The following ITPR3 variants were observed in gnomAD, a reference collection of about 807,000 sequenced individuals.
ITPR3 encodes inositol 1,4,5-trisphosphate receptor type 3, also known as inositol 1,4,5-trisphosphate-gated calcium channel ITPR3.
A neutral mutation model predicts 293.2 loss-of-function variants in ITPR3; 173 were observed. That is an observed-to-expected ratio of 0.59 (90% CI 0.52 to 0.67). The LOEUF is 0.67. ITPR3 is among the 30% of genes least tolerant of loss of function. ITPR3 has a pLI of 0.00. For missense variants in ITPR3, 2,796 were observed against 3,592.1 expected, an observed-to-expected ratio of 0.78 and a Z score of 5.66; for synonymous variants, 1,295 against 1,444.4, an observed-to-expected ratio of 0.90 and a Z score of 2.35.
chr6:33,649,194 C>T (rs941521141), intron 2 of ITPR3, among the ~76,000 whole-genome samples: 26 of 152,180 alleles, frequency 1.7e-4, no homozygotes, highest in Non-Finnish European at 3.2e-4. Context: ...TGAGCCATTG[C>T]GCCTGGCCTA....
In ITPR3 at chr6:33,688,434, G is replaced by A; in HGVS notation, c.6568+3G>A. The A allele has an allele frequency of 9.9e-7, 1 of 1,005,364 alleles. No homozygotes were observed. Among genetic ancestry groups the A allele is most frequent in the Non-Finnish European group, 1.4e-6 (1 of 716,808 alleles). 62.3% of individuals were successfully genotyped at this position (1,005,364 alleles called of 1,614,324 possible). Reference sequence around the variant, plus strand: ...GGAGTGGCAGCGCAAGCTCCGCAGTGAGGACCCACGGGCGGGAGGGTGGGG... The same window carrying A: ...GGAGTGGCAGCGCAAGCTCCGCAGTAAGGACCCACGGGCGGGAGGGTGGGG... On this transcript the variant is annotated splice_donor_region_variant and intron_variant, in intron 48 of 57. Coordinates refer to ENST00000605930, the MANE Select transcript of ITPR3 (RefSeq NM_002224.4).
chr6:33,648,330 T>C (rs1234272035), intron 2 of ITPR3, among the ~76,000 whole-genome samples: 1 of 151,796 alleles, frequency 6.6e-6, no homozygotes, highest in Admixed American at 6.6e-5. Context: ...TCTCCCAGAG[T>C]GTTAGGATTA....
Position 33,675,728 on chromosome 6 carries a change from G to A in ITPR3, c.3154G>A (p.Gly1052Ser), listed in dbSNP as rs768574192. The A allele has an allele frequency of 1.4e-5, 22 of 1,611,068 alleles. No homozygotes were observed. The highest frequency in any genetic ancestry group is 1.7e-5 in the Admixed American group (1 of 59,846). ...SSMLEVDDEG[G>S]RMFLRVLIHL... ...CATGCTGGAGGTGGATGACGAGGGC[G>A]GCCGCATGTTCCTGCGCGTGCTCAT... is the stretch of plus-strand genomic sequence containing the variant. The change falls in exon 25 of 58, where the codon GGC becomes AGC. Residue 1052 changes from glycine (G) to serine (S), a missense_variant. Gly to Ser is a moderately conservative substitution (Grantham distance 56). Transcript: ENST00000605930. The surrounding 1 kb of genome is among the most constrained non-coding windows in gnomAD (Gnocchi z 5.0).
Position 33,632,413 on chromosome 6 carries a change from C to T in ITPR3, c.90-8071C>T, listed in dbSNP as rs1044617707. Among the ~76,000 whole-genome samples, 1 of 152,200 alleles carries T rather than the reference C, an allele frequency of 6.6e-6. No individual in the cohort carries two copies. Among genetic ancestry groups the T allele is most frequent in the Non-Finnish European group, 1.5e-5 (1 of 68,020 alleles). On this transcript the variant is annotated intron_variant, in intron 1 of 57. Transcript: ENST00000605930. The surrounding 1 kb of genome is among the most constrained non-coding windows in gnomAD (Gnocchi z 4.1). ...GCTCCCTTCCTCCTCCTTATCTAAT[C>T]TTTCCAGACAGCACTGACCCACCCT...
At chr6:33,651,002 C>T (rs537649941) in intron 2 of ITPR3, among the ~76,000 whole-genome samples, 6 of 152,104 alleles carry the variant, frequency 3.9e-5, no homozygotes, top group East Asian at 3.9e-4. Flanking sequence ...AGTTGCCGGG[C>T]GGGGTGGTTC....
rs1582170234 is a variant in ITPR3, at chr6:33,692,184, C to T, written c.7458+256C>T. 6.6e-6 allele frequency among the ~76,000 whole-genome samples: 1 copy of T among 152,260 alleles called. No homozygotes were observed. The highest frequency in any genetic ancestry group is 2.4e-5 in the African/African-American group (1 of 41,460). On this transcript the variant is annotated intron_variant, in intron 54 of 57. Transcript: ENST00000605930. The surrounding 1 kb of genome is among the most constrained non-coding windows in gnomAD (Gnocchi z 4.2). ...TTGCCCCAGGGCTAGGGATGGTGAC[C>T]ACTGGCTTTCCTAGCCCACAGCAGG...
chr6:33,637,993 T>G, intron 1 of ITPR3, among the ~76,000 whole-genome samples: 1 of 150,386 alleles, frequency 6.6e-6, no homozygotes, highest in South Asian at 2.1e-4. Flanking sequence ...GGCACGTTTT[T>G]TGTTTTGTTT....
Position 33,665,153 on chromosome 6 carries a change from C to G in ITPR3, c.1349C>G (p.Ser450Cys). The change falls in exon 13 of 58, where the codon TCC becomes TGC. Residue 450 changes from serine to cysteine, a missense_variant. Coordinates refer to ENST00000605930, the MANE Select transcript of ITPR3 (RefSeq NM_002224.4). ...RDLDFANDAS[S>C]MLASAVEKLN... is the part of the protein sequence containing the mutation. Reference sequence around the variant, plus strand: ...CTGGACTTTGCCAATGACGCCAGCTCCATGCTGGCCAGTGCCGTGGAGAAA... The same window carrying G: ...CTGGACTTTGCCAATGACGCCAGCTGCATGCTGGCCAGTGCCGTGGAGAAA... 1 of 1,614,178 alleles carries G rather than the reference C, an allele frequency of 6.2e-7. No individual in the cohort carries two copies. The highest frequency in any genetic ancestry group is 1.7e-5 in the Admixed American group (1 of 60,034).
rs751174053 is a variant in ITPR3, at chr6:33,671,306, GGT to G, written c.2728+2_2728+3del. 6.2e-7 allele frequency: 1 copy of G among 1,610,664 alleles called. No individual in the cohort carries two copies. Among genetic ancestry groups the G allele is most frequent in the South Asian group, 1.1e-5 (1 of 90,938 alleles). ...GCTGCAGGCCTATGAGGACCCCGGT[GGT>G]GAGGCCTTTGCCCGGCTCGGGCCAC... On this transcript the variant is annotated splice_donor_variant, in intron 21 of 57. Coordinates refer to ENST00000605930, the MANE Select transcript of ITPR3 (RefSeq NM_002224.4). LOFTEE classifies it high-confidence loss of function.
chr6:33,655,423 G>A lies in ITPR3; in HGVS notation c.161-343G>A, dbSNP rs538827336. On this transcript the variant is annotated intron_variant, in intron 2 of 57. Coordinates refer to ENST00000605930, the MANE Select transcript of ITPR3 (RefSeq NM_002224.4). The surrounding 1 kb of genome is among the most constrained non-coding windows in gnomAD (Gnocchi z 4.9). Reference sequence around the variant, plus strand: ...TTAGCTAAAGAGGATGCAGATGTGAGCTGTTAGCTGCCAATACTCACAAAA... The same window carrying A: ...TTAGCTAAAGAGGATGCAGATGTGAACTGTTAGCTGCCAATACTCACAAAA... 6.6e-6 allele frequency among the ~76,000 whole-genome samples: 1 copy of A among 152,166 alleles called. No homozygotes were observed. Among genetic ancestry groups the A allele is most frequent in the East Asian group, 1.9e-4 (1 of 5,172 alleles).
At chr6:33,665,357 T>A in intron 13 of ITPR3, 144 bp downstream of exon 13, 2 of 1,099,694 alleles carry the variant, frequency 1.8e-6, no homozygotes, top group Non-Finnish European at 2.6e-6. Flanking sequence ...TGGCTGAGCC[T>A]GGGACCCTGG....
Position 33,621,764 on chromosome 6 carries a change from TC to T in ITPR3, c.89+75del. 1 of 1,156,184 alleles carries T rather than the reference TC, an allele frequency of 8.6e-7. No homozygotes were observed. The highest frequency in any genetic ancestry group is 1.3e-6 in the Non-Finnish European group (1 of 793,260). The allele number at this position is 1,156,184 out of a possible 1,614,324, so 71.6% of individuals were successfully genotyped here. A position where few individuals can be genotyped will look rare whatever the true frequency, so the allele number is the denominator to read the frequency against. ...TGGGCCCTGGTGCCAGCTGCGTGCG[TC>T]CAGCCGCCGCCCCCCGATAGAGGCC... On this transcript the variant is annotated intron_variant, in intron 1 of 57. Coordinates refer to ENST00000605930, the MANE Select transcript of ITPR3 (RefSeq NM_002224.4). The surrounding 1 kb of genome is among the most constrained non-coding windows in gnomAD (Gnocchi z 7.7).
At position 33,684,875 on chromosome 6, in the gene ITPR3, G is replaced by T. The variant is rs761943200; in HGVS notation, c.5239G>T (p.Glu1747Ter). Reference sequence around the variant, plus strand: ...CGACCTCATCACCAGCACCAAGAACGAGAAGATCTTCCAGGAGAGCATCGG... The same window carrying T: ...CGACCTCATCACCAGCACCAAGAACTAGAAGATCTTCCAGGAGAGCATCGG... ...VCDLITSTKN[E>*]KIFQESIGLA... Residue 1747 changes from glutamate (E) to a stop codon, truncating the protein, a stop_gained, in exon 39 of 58, where the codon GAG becomes TAG. Coordinates refer to ENST00000605930, the MANE Select transcript of ITPR3 (RefSeq NM_002224.4). LOFTEE classifies it high-confidence loss of function. This position sits in a 1 kb window ranked among gnomAD's most constrained non-coding sequence, Gnocchi z 4.2. The T allele has an allele frequency of 1.2e-6, 2 of 1,614,078 alleles. No individual in the cohort carries two copies. The highest frequency in any genetic ancestry group is 1.7e-6 in the Non-Finnish European group (2 of 1,180,004).
In ITPR3 at chr6:33,632,674, C is replaced by CT. The variant is rs1278764178; in HGVS notation, c.90-7810_90-7809insT. Among the ~76,000 whole-genome samples the CT allele has an allele frequency of 1.3e-5, 2 of 152,244 alleles. No individual in the cohort carries two copies. The highest frequency in any genetic ancestry group is 3.9e-4 in the East Asian group (2 of 5,188). On this transcript the variant is annotated intron_variant, in intron 1 of 57. Coordinates refer to ENST00000605930, the MANE Select transcript of ITPR3 (RefSeq NM_002224.4). This position sits in a 1 kb window ranked among gnomAD's most constrained non-coding sequence, Gnocchi z 4.1. Reference sequence around the variant, plus strand: ...CACAGGCCTCCAGCCAGGACCCTTTCCCTGTAGCCCCATCCTCCTGCTCCC... The same window carrying CT: ...CACAGGCCTCCAGCCAGGACCCTTTCTCCTGTAGCCCCATCCTCCTGCTCCC...
chr6:33,641,399 G>A (rs537100732), intron 2 of ITPR3, among the ~76,000 whole-genome samples: 1 of 152,168 alleles, frequency 6.6e-6, no homozygotes, highest in South Asian at 2.1e-4. Context: ...TTGTCCTCGC[G>A]GGGGATGCTG....
At chr6:33,652,264 C>T (rs371264774) in intron 2 of ITPR3, among the ~76,000 whole-genome samples, 1 of 152,136 alleles carries the variant, frequency 6.6e-6, no homozygotes, top group Non-Finnish European at 1.5e-5. Flanking sequence ...TCAAACCCTA[C>T]CTCCTTATAC....
rs369236448 is a variant in ITPR3 at position 33,684,953 on chromosome 6, G to T, written c.5307+10G>T. On this transcript the variant is annotated intron_variant, in intron 39 of 57. Transcript: ENST00000605930. The surrounding 1 kb of genome is among the most constrained non-coding windows in gnomAD (Gnocchi z 4.2). ...CAACACAGAGATCCAGGTGTGGGGG[G>T]CCTGGGGCCTGGACATGCCCTCCTT... is the stretch of plus-strand genomic sequence containing the variant. 2.7e-5 allele frequency: 43 copies of T among 1,599,710 alleles called. No individual in the cohort carries two copies. In the African/African-American group the frequency reaches 4.5e-4, roughly 17 times the overall value.
Position 33,663,478 on chromosome 6 carries a change from C to T in ITPR3, c.955-22C>T, listed in dbSNP as rs778715454. On this transcript the variant is annotated intron_variant, in intron 9 of 57. Coordinates refer to ENST00000605930, the MANE Select transcript of ITPR3 (RefSeq NM_002224.4). Reference sequence around the variant, plus strand: ...ATAGTTTGGTGTCCAGTAGCTCCCCCACATCTTGTATCTCTGTCCAGGAGA... The same window carrying T: ...ATAGTTTGGTGTCCAGTAGCTCCCCTACATCTTGTATCTCTGTCCAGGAGA... 4 of 1,597,680 alleles carry T rather than the reference C, an allele frequency of 2.5e-6. No homozygotes were observed. In the African/African-American group the frequency reaches 4.0e-5, roughly 16 times the overall value.
rs1447071327 is a variant in ITPR3, at chr6:33,669,102, C to T, written c.2135C>T (p.Ala712Val). The T allele has an allele frequency of 6.2e-7, 1 of 1,614,102 alleles. No homozygotes were observed. Among genetic ancestry groups the T allele is most frequent in the South Asian group, 1.1e-5 (1 of 91,072 alleles). ...EHHEKSVRQL[A>V]QEARAGNAHD... is the part of the protein sequence containing the mutation. The stretch of plus-strand genomic sequence containing the variant: ...CATGAGAAGAGTGTGAGGCAGCTGG[C>T]CCAGGAGGCGCGGGCCGGCAACGCC... The change falls in exon 18 of 58, where the codon GCC (alanine) becomes GTC (valine). Residue 712 changes from alanine to valine, a missense_variant. Coordinates refer to ENST00000605930, the MANE Select transcript of ITPR3 (RefSeq NM_002224.4).
Sources: allele counts gnomAD v4.1 joint callset (sites outside exome capture counted in the v4.1 genomes callset), GRCh38; gene constraint gnomAD v4.1.1; non-coding constraint Gnocchi (gnomAD v3.1); transcripts MANE v1.5; gene names NCBI Gene and HGNC (gene_info 2026-07-23, HGNC 2026-07-21).